The following DENND1C variants were observed in gnomAD, a reference collection of about 807,000 sequenced individuals.
DENND1C encodes DENN domain containing 1C, also known as DENN domain-containing protein 1C.
A neutral mutation model predicts 87.9 loss-of-function variants in DENND1C; 64 were observed. The ratio of observed to expected loss-of-function variants is 0.73; its 90% CI spans 0.60 to 0.90. DENND1C has a LOEUF of 0.90. Among genes scored for constraint, DENND1C ranks in the 40% least tolerant of loss-of-function variants. The probability of loss-of-function intolerance (pLI) is 0.00; values close to 1 mark genes in which losing one functional copy is unlikely to be tolerated. For missense variants in DENND1C, 980 were observed against 1,037.0 expected (o/e 0.95, Z 0.76); for synonymous variants, 384 against 424.4 (o/e 0.90, Z 1.17).
intron 13 of DENND1C, 37 bp downstream of exon 13, chr19:6,475,447 C>T (rs762893986): frequency 1.2e-6 from 2 of 1,613,342 alleles, no homozygotes; most frequent in Non-Finnish European, 1.7e-6. Context: ...GGGCCCCTCG[C>T]CTCCCGGGGC....
chr19:6,471,383 C>T (rs758454270), intron 16 of DENND1C, 23 bp downstream of exon 16: 34 of 1,583,206 alleles, frequency 2.1e-5, no homozygotes, highest in East Asian at 1.2e-4. Context: ...GTGGGGGACC[C>T]AGGGGCTGGA....
intron 19 of DENND1C, 41 bp from the exon 20 acceptor site, chr19:6,468,994 T>G: frequency 8.4e-7 from 1 of 1,186,182 alleles, no homozygotes; most frequent in Non-Finnish European, 1.1e-6. Context: ...TGCCACAGAG[T>G]CTCCCCACCA....
intron 14 of DENND1C, among the ~76,000 whole-genome samples, chr19:6,473,497 G>A (rs2092841672): frequency 6.9e-6 from 1 of 145,010 alleles, no homozygotes; most frequent in African/African-American, 2.6e-5. Flanking sequence ...TTGAGTCAGG[G>A]TCTCACTCTG....
intron 19 of DENND1C, 76 bp downstream of exon 19, chr19:6,469,520 G>A: frequency 6.9e-7 from 1 of 1,456,286 alleles, no homozygotes; most frequent in South Asian, 1.2e-5. Context: ...CTGGGCTCAA[G>A]CAATCCTCCT....
rs2092855357 is a variant in DENND1C at position 6,475,706 on chromosome 19, C to T, written c.825G>A (p.Glu275=). ...YLIGVHASLA[E]RVREKALEDV... is the part of the protein sequence containing the mutation. ...GTCGTCTGGGTAGATCCACGCTCAC[C>T]TCGGCGAGACTGGCGTGCACTCCAA... The change falls in exon 12 of 23, where the codon GAG becomes GAA. Residue 275 remains glutamate, a splice_region_variant and synonymous_variant. Coordinates refer to ENST00000381480, the MANE Select transcript of DENND1C (RefSeq NM_024898.4). 6.3e-7 allele frequency: 1 copy of T among 1,591,618 alleles called. No homozygotes were observed. Among genetic ancestry groups the T allele is most frequent in the Non-Finnish European group, 8.6e-7 (1 of 1,168,566 alleles).
At position 6,468,236 on chromosome 19, in the gene DENND1C, G is replaced by A. The variant is rs746056402; in HGVS notation, c.1789C>T (p.Leu597=). Residue 597 remains leucine, a splice_region_variant and synonymous_variant, in exon 22 of 23, where the codon CTG becomes TTG. Coordinates refer to ENST00000381480, the MANE Select transcript of DENND1C (RefSeq NM_024898.4). The stretch of plus-strand genomic sequence containing the variant: ...GGGGGAGTGGGCGAGGCTCTCACCA[G>A]GCTGAAGCAGCTGTCCAGGTCTCCT... ...HRGDLDSCFS[L]PNIPRWQPDD... is the part of the protein sequence containing the mutation. 6.2e-6 allele frequency: 10 copies of A among 1,613,138 alleles called. No homozygotes were observed. Among genetic ancestry groups the A allele is most frequent in the African/African-American group, 1.3e-5 (1 of 74,874 alleles).
chr19:6,476,212 A>T, intron 10 of DENND1C: 2 of 447,194 alleles, frequency 4.5e-6, no homozygotes, highest in South Asian at 3.2e-5. Context: ...TTCCCCATGC[A>T]GGTAGAGCAA....
At chr19:6,477,567 C>A in intron 6 of DENND1C, 109 bp from the exon 7 acceptor site, 2 of 702,038 alleles carry the variant, frequency 2.8e-6, no homozygotes, top group South Asian at 2.0e-5. Flanking sequence ...GGGCTCAGGT[C>A]AGTCCTGGGA....
At chr19:6,476,737 C>G in intron 10 of DENND1C, 120 bp downstream of exon 10, 1 of 1,039,652 alleles carries the variant, frequency 9.6e-7, no homozygotes, top group South Asian at 1.7e-5. Context: ...GGGGCGGGGC[C>G]AGGACTTCGC....
At chr19:6,468,180 G>A (rs967430831) in intron 22 of DENND1C, 54 bp downstream of exon 22, 27 of 1,610,714 alleles carry the variant, frequency 1.7e-5, no homozygotes, top group Middle Eastern at 1.6e-4. Context: ...CAAGTTGGAT[G>A]GACCATTAGG....
chr19:6,470,623 T>TTTTTG (rs1555747449), intron 17 of DENND1C, among the ~76,000 whole-genome samples: 2 of 144,976 alleles, frequency 1.4e-5, no homozygotes, highest in South Asian at 2.2e-4. Context: ...TTTTTTTGTT[T>TTTTTG]TTTTTTTTTT....
Position 6,477,278 on chromosome 19 carries a change from G to A in DENND1C, c.453C>T (p.Ser151=), listed in dbSNP as rs746111504. 1.0e-5 allele frequency: 16 copies of A among 1,590,054 alleles called. No individual in the cohort carries two copies. In the South Asian group the frequency reaches 1.5e-4, roughly 14 times the overall value. The stretch of plus-strand genomic sequence containing the variant: ...CCTGCCCGCTGGAGACCGTCACTCC[G>A]CTGCCCTGGGGAAGAGGCACGACTC... The part of the protein sequence containing the change: ...PQASVGLELG[S]GVTVSSGQGI... Residue 151 remains serine (S), a synonymous_variant, in exon 8 of 23, where the codon AGC becomes AGT. Transcript: ENST00000381480.
Position 6,475,493 on chromosome 19 carries a change from A to C in DENND1C, c.918T>G (p.Pro306=), listed in dbSNP as rs202055480. 62 of 1,613,858 alleles carry C rather than the reference A, an allele frequency of 3.8e-5. No homozygotes were observed. The African/African-American group carries it at 6.5e-4, about 17-fold the overall frequency. The stretch of plus-strand genomic sequence containing the variant: ...GAGGGGCGACACTGACCACGTCTGG[A>C]GGCAGCGCCTGCACGTCGTTAAAGG... The part of the protein sequence containing the change: ...ETTFNDVQAL[P]PDVVSLLRLR... Residue 306 remains proline (P), a synonymous_variant, in exon 13 of 23, where the codon CCT becomes CCG. Coordinates refer to ENST00000381480, the MANE Select transcript of DENND1C (RefSeq NM_024898.4).
chr19:6,469,768 C>G (rs2092817718), intron 18 of DENND1C, 128 bp from the exon 19 acceptor site: 4 of 886,120 alleles, frequency 4.5e-6, no homozygotes, highest in Admixed American at 4.3e-5. Context: ...TTCACCACCC[C>G]CCATACACCA....
rs963004937 is a variant in DENND1C at position 6,472,870 on chromosome 19, C to T, written c.1158+19G>A. 4 of 1,492,958 alleles carry T rather than the reference C, an allele frequency of 2.7e-6. No individual in the cohort carries two copies. The highest frequency in any genetic ancestry group is 2.4e-5 in the Admixed American group (1 of 41,462). 92.5% of individuals were successfully genotyped at this position (1,492,958 alleles called of 1,614,324 possible). On this transcript the variant is annotated intron_variant, in intron 15 of 22. Coordinates refer to ENST00000381480, the MANE Select transcript of DENND1C (RefSeq NM_024898.4). ...AGTCCACCTCCAGTCCCAGCTGGAC[C>T]CTCAGGGCTCTGGCATACCTGTTTG...
At chr19:6,470,620 G>GTT (rs35687922) in intron 17 of DENND1C, among the ~76,000 whole-genome samples, 3,825 of 114,566 alleles carry the variant, frequency 0.033, 310 homozygotes, top group Non-Finnish European at 0.053. Flanking sequence ...GTTTTTTTTT[G>GTT]TTTTTTTTTT....
intron 10 of DENND1C, chr19:6,476,554 C>G (rs11669557): frequency 5.1e-5 from 14 of 277,084 alleles, no homozygotes; most frequent in Non-Finnish European, 8.2e-5. Flanking sequence ...TGGATTCCCA[C>G]GTGTATAAGT....
In DENND1C at chr19:6,467,352, T is replaced by G; in HGVS notation, c.*152A>C. The G allele has an allele frequency of 9.6e-7, 1 of 1,046,634 alleles. No individual in the cohort carries two copies. The highest frequency in any genetic ancestry group is 1.3e-6 in the Non-Finnish European group (1 of 771,790). The allele number at this position is 1,046,634 out of a possible 1,614,324, so 64.8% of individuals were successfully genotyped here. ...CCTGGAATTCCCTGCTAGGAGCCAG[T>G]TAGAGAGGCTGCCCTTGGAGGGACA... On this transcript the variant is annotated 3_prime_UTR_variant, in exon 23 of 23. Coordinates refer to ENST00000381480, the MANE Select transcript of DENND1C (RefSeq NM_024898.4).
chr19:6,480,270 A>T, intron 1 of DENND1C: 1 of 1,433,048 alleles, frequency 7.0e-7, no homozygotes, highest in African/African-American at 1.4e-5. Context: ...AGAAAGTGTG[A>T]CTGTGTGTGT....
Sources: allele counts gnomAD v4.1 joint callset (sites outside exome capture counted in the v4.1 genomes callset), GRCh38; gene constraint gnomAD v4.1.1; transcripts MANE v1.5; gene names NCBI Gene and HGNC (gene_info 2026-07-23, HGNC 2026-07-21).